The following PTBP2 variants were observed in gnomAD, a reference collection of about 807,000 sequenced individuals.
PTBP2 encodes the protein polypyrimidine tract binding protein 2, also known as polypyrimidine tract-binding protein 2.
In PTBP2, 13 loss-of-function variants were observed where a neutral mutation model predicts 61.4. That is an observed-to-expected ratio of 0.21 (90% CI 0.14 to 0.34). The LOEUF (loss-of-function observed/expected upper bound fraction) is 0.34. Ranked by LOEUF, PTBP2 falls within the 10% of genes least tolerant of loss-of-function variation. The pLI is 1.00. For synonymous variants in PTBP2, 215 were observed against 218.5 expected, an observed-to-expected ratio of 0.98 and a Z score of 0.14; for missense variants, 405 against 642.6, an observed-to-expected ratio of 0.63 and a Z score of 4.00.
intron 3 of PTBP2, among the ~76,000 whole-genome samples, chr1:96,752,957 G>C (rs1354619704): frequency 6.6e-6 from 1 of 152,126 alleles, no homozygotes; most frequent in Non-Finnish European, 1.5e-5. Context: ...CCACAGAGAA[G>C]TGGAGAGCCC....
Position 96,777,588 on chromosome 1 carries a change from G to A in PTBP2, c.436G>A (p.Ala146Thr), listed in dbSNP as rs1172281888. ...ACTACATAATCTTAATTTCCAGCGTGCTCAGGCAGTTCTTCAAGCTGTGAC... is the reference window on the plus strand; with the variant it reads ...ACTACATAATCTTAATTTCCAGCGTACTCAGGCAGTTCTTCAAGCTGTGAC... ...LKTDNTLNQR[A>T]QAVLQAVTAV... The change falls in exon 6 of 14, where the codon GCT (alanine) becomes ACT (threonine). Residue 146 changes from alanine (A) to threonine (T), a missense_variant. By Grantham distance (58) the Ala-to-Thr change is moderately conservative (BLOSUM62 0). Around this residue, in one of 4 missense-constraint regions of PTBP2, gnomAD observed 342 missense variants for 491.2 expected, o/e 0.70. Coordinates refer to ENST00000674951, the MANE Select transcript of PTBP2 (RefSeq NM_021190.4). 1 of 1,606,264 alleles carries A rather than the reference G, an allele frequency of 6.2e-7. No individual in the cohort carries two copies. The highest frequency in any genetic ancestry group is 8.5e-7 in the Non-Finnish European group (1 of 1,177,204).
At chr1:96,784,872 A>G (rs1227463126) in intron 7 of PTBP2, 187 bp from the exon 8 acceptor site, 12 of 486,804 alleles carry the variant, frequency 2.5e-5, no homozygotes, top group Admixed American at 4.5e-5. Flanking sequence ...TTTAAGGAAG[A>G]TAATATTTGG....
chr1:96,721,853 T>C lies in PTBP2; in HGVS notation c.-12T>C, dbSNP rs370272686. The C allele has an allele frequency of 3.2e-6, 5 of 1,569,380 alleles. No individual in the cohort carries two copies. The African/African-American group carries it at 6.7e-5, about 21-fold the overall frequency. On this transcript the variant is annotated 5_prime_UTR_variant, in exon 1 of 14. Coordinates refer to ENST00000674951, the MANE Select transcript of PTBP2 (RefSeq NM_021190.4). ...CTCGGTTCTTGTGAGCGAAGCTTTG[T>C]CCGGTTCGGCAATGGACGGGTATGT... is the stretch of plus-strand genomic sequence containing the variant.
intron 8 of PTBP2, among the ~76,000 whole-genome samples, chr1:96,799,507 A>G (rs113658986): frequency 0.078 from 11,893 of 151,860 alleles, 594 homozygotes; most frequent in East Asian, 0.17. Context: ...CGTGTTAGCC[A>G]GGATGGTCTC....
intron 2 of PTBP2, chr1:96,749,722 C>T: frequency 4.4e-6 from 2 of 452,058 alleles, no homozygotes; most frequent in Non-Finnish European, 8.9e-6. Context: ...TATGTGGGGA[C>T]ATTGTACTTG....
intron 8 of PTBP2, among the ~76,000 whole-genome samples, chr1:96,788,545 C>T (rs1659450578): frequency 6.6e-6 from 1 of 151,968 alleles, no homozygotes; most frequent in Non-Finnish European, 1.5e-5. Flanking sequence ...CAGATGACTT[C>T]AGCAAACTAA....
At chr1:96,792,851 G>A (rs532526346) in intron 8 of PTBP2, among the ~76,000 whole-genome samples, 39 of 151,360 alleles carry the variant, frequency 2.6e-4, no homozygotes, top group African/African-American at 9.5e-4. Flanking sequence ...ACTAATTATA[G>A]CAAATAATAG....
At chr1:96,797,685 T>C (rs1262136105) in intron 8 of PTBP2, among the ~76,000 whole-genome samples, 1 of 152,078 alleles carries the variant, frequency 6.6e-6, no homozygotes, top group Non-Finnish European at 1.5e-5. Context: ...AGTGTTTGCA[T>C]GTGACCTATA....
intron 7 of PTBP2, among the ~76,000 whole-genome samples, chr1:96,784,533 A>G (rs983587240): frequency 1.3e-5 from 2 of 152,064 alleles, no homozygotes; most frequent in African/African-American, 2.4e-5. Flanking sequence ...GGAAAATACT[A>G]GTTTTTTTCT....
At chr1:96,807,676 G>C (rs958186829) in intron 11 of PTBP2, among the ~76,000 whole-genome samples, 1 of 152,106 alleles carries the variant, frequency 6.6e-6, no homozygotes, top group South Asian at 2.1e-4. Context: ...TTGATGTAAG[G>C]ACGAGTGTAT....
At chr1:96,760,824 A>T (rs1217211771) in intron 3 of PTBP2, among the ~76,000 whole-genome samples, 2 of 151,612 alleles carry the variant, frequency 1.3e-5, no homozygotes, top group African/African-American at 4.9e-5. Flanking sequence ...TTTACCCAGT[A>T]AGAACATGTT....
chr1:96,819,107 TACTC>T (rs749405627), downstream of PTBP2: 4 of 152,062 alleles, frequency 2.6e-5, no homozygotes, highest in African/African-American at 2.4e-5. Flanking sequence ...TGCAAATTAA[TACTC>T]AATTCCTGAT....
chr1:96,786,615 C>T (rs909031773), intron 8 of PTBP2, among the ~76,000 whole-genome samples: 15 of 152,076 alleles, frequency 9.9e-5, no homozygotes, highest in Non-Finnish European at 2.1e-4. Context: ...TAGAAAGAAT[C>T]AAAATTTATT....
chr1:96,730,196 C>T (rs1486776325), intron 2 of PTBP2, among the ~76,000 whole-genome samples: 2 of 152,008 alleles, frequency 1.3e-5, no homozygotes, highest in African/African-American at 4.8e-5. Context: ...GTTTTCTCTG[C>T]TGTTTTTCTG....
exon 14 of PTBP2, chr1:96,821,753 C>A (rs1051042239): frequency 6.6e-6 from 1 of 152,038 alleles, no homozygotes; most frequent in African/African-American, 2.4e-5. Flanking sequence ...CTCAGCCTTC[C>A]GAGTAGCTGG....
intron 3 of PTBP2, among the ~76,000 whole-genome samples, chr1:96,761,472 G>A (rs182513427): frequency 1.3e-5 from 2 of 152,002 alleles, no homozygotes; most frequent in Admixed American, 1.3e-4. Flanking sequence ...ATTGTATAGA[G>A]GGGAGAATAG....
intron 2 of PTBP2, among the ~76,000 whole-genome samples, chr1:96,732,057 T>A (rs890529610): frequency 2.0e-5 from 3 of 152,168 alleles, no homozygotes; most frequent in Non-Finnish European, 4.4e-5. Context: ...TCAAGACCTA[T>A]AACTGGACAA....
intron 10 of PTBP2, 196 bp from the exon 11 acceptor site, chr1:96,806,670 G>T (rs1414755045): frequency 1.5e-6 from 1 of 655,844 alleles, no homozygotes. Context: ...AGCTTTGAGG[G>T]TTTATCAAAA....
intron 2 of PTBP2, among the ~76,000 whole-genome samples, chr1:96,727,326 G>A (rs992352043): frequency 2.0e-5 from 3 of 151,762 alleles, no homozygotes; most frequent in South Asian, 2.1e-4. Flanking sequence ...ATTGTTTTCC[G>A]TTTTGAGCTA....
Sources: allele counts gnomAD v4.1 joint callset (sites outside exome capture counted in the v4.1 genomes callset), GRCh38; gene constraint gnomAD v4.1.1; regional missense constraint gnomAD v4.1.1; transcripts MANE v1.5; gene names NCBI Gene and HGNC (gene_info 2026-07-23, HGNC 2026-07-21).